ATP9B: variants seen among roughly 807,000 people sequenced by gnomAD.
ATP9B encodes probable phospholipid-transporting ATPase IIB.
Under a neutral mutation model 146.1 loss-of-function variants are expected in ATP9B, and 110 were observed. The observed-to-expected ratio is 0.75, with a 90% CI of 0.65 to 0.88. The LOEUF (loss-of-function observed/expected upper bound fraction) is 0.88. ATP9B is among the 40% of genes least tolerant of loss of function. The probability of loss-of-function intolerance (pLI) is 0.00; values close to 1 mark genes in which losing one functional copy is unlikely to be tolerated. For synonymous variants in ATP9B, 604 were observed against 569.7 expected, an observed-to-expected ratio of 1.06 and a Z score of -0.86; for missense variants, 1,499 against 1,496.4, an observed-to-expected ratio of 1.00 and a Z score of -0.03.
At chr18:79,078,294 C>T (rs1483864534) in intron 1 of ATP9B, 1 of 152,186 alleles carries the variant, frequency 6.6e-6, no homozygotes, top group African/African-American at 2.4e-5. Context: ...CTTTTTTGGT[C>T]TGTGTCTATT....
At position 79,110,422 on chromosome 18, in the gene ATP9B, G is replaced by C. The variant is rs779811445; in HGVS notation, c.361G>C (p.Gly121Arg). The C allele has an allele frequency of 6.2e-7, 1 of 1,612,168 alleles. No homozygotes were observed. Among genetic ancestry groups the C allele is most frequent in the Non-Finnish European group, 8.5e-7 (1 of 1,178,900 alleles). Residue 121 changes from glycine to arginine, a missense_variant, in exon 3 of 30, where the codon GGA (glycine) becomes CGA (arginine). Physicochemically the swap from Gly to Arg is moderately radical, Grantham distance 125. Transcript: ENST00000426216. ...KELKARTVWLGCPEKCEEKHP... is the reference protein window; with the variant it reads ...KELKARTVWLRCPEKCEEKHP... Reference sequence around the variant, plus strand: ...GCTGAAAGCTCGCACAGTATGGCTTGGATGTCCTGAAAAGTGTGAAGAAAA... The same window carrying C: ...GCTGAAAGCTCGCACAGTATGGCTTCGATGTCCTGAAAAGTGTGAAGAAAA...
At chr18:79,146,727 G>A (rs935476312) in intron 6 of ATP9B, 1 of 166,540 alleles carries the variant, frequency 6.0e-6, no homozygotes, top group Non-Finnish European at 1.3e-5. Flanking sequence ...ACCTGTGTCT[G>A]TGTTAAGGGA....
chr18:79,234,573 C>T (rs1197221801), intron 11 of ATP9B, among the ~76,000 whole-genome samples: 1 of 146,484 alleles, frequency 6.8e-6, no homozygotes, highest in African/African-American at 2.5e-5. Context: ...CTGCTGTGGG[C>T]TTGCTTGCTG....
chr18:79,353,998 C>G (rs2096936364), intron 25 of ATP9B: 1 of 152,084 alleles, frequency 6.6e-6, no homozygotes, highest in Non-Finnish European at 1.5e-5. Flanking sequence ...AGTAACTCAT[C>G]AAGAAAACAG....
intron 15 of ATP9B, among the ~76,000 whole-genome samples, chr18:79,328,054 CTGGTTAGCGTGCTCTCCG>C (rs2096769505): frequency 2.2e-4 from 9 of 40,202 alleles, no homozygotes; most frequent in African/African-American, 6.5e-4. Context: ...CGTGCTCTCT[CTGGTTAGCGTGCTCTCCG>C]TGGTTAGCGT....
intron 25 of ATP9B, chr18:79,353,865 A>G (rs1229906350): frequency 6.6e-6 from 1 of 152,222 alleles, no homozygotes; most frequent in Non-Finnish European, 1.5e-5. Context: ...AAGAAAGTTA[A>G]CAAAAGTAAT....
chr18:79,273,321 A>G (rs1469763646), intron 12 of ATP9B, among the ~76,000 whole-genome samples: 2 of 152,010 alleles, frequency 1.3e-5, no homozygotes, highest in Non-Finnish European at 2.9e-5. Context: ...CACTGGTGGG[A>G]CTCACCCAGG....
At chr18:79,075,234 C>T (rs868111494) in intron 1 of ATP9B, among the ~76,000 whole-genome samples, 4 of 152,174 alleles carry the variant, frequency 2.6e-5, no homozygotes, top group South Asian at 2.1e-4. Context: ...TCACTACAGC[C>T]TCGACCTTCT....
intron 15 of ATP9B, among the ~76,000 whole-genome samples, chr18:79,320,705 C>T (rs1043467455): frequency 6.6e-6 from 1 of 152,172 alleles, no homozygotes. Flanking sequence ...TCCCACCCCC[C>T]TCCAGCCCTC....
chr18:79,237,810 C>T (rs1387639816), intron 11 of ATP9B, among the ~76,000 whole-genome samples: 1 of 152,058 alleles, frequency 6.6e-6, no homozygotes, highest in Non-Finnish European at 1.5e-5. Flanking sequence ...CCTCCGCTTC[C>T]TGAGTAACTG....
chr18:79,091,194 A>G (rs1351222483), intron 1 of ATP9B, among the ~76,000 whole-genome samples: 1 of 152,194 alleles, frequency 6.6e-6, no homozygotes, highest in Non-Finnish European at 1.5e-5. Context: ...GCTCTGCAGT[A>G]TAATTTGAAG....
At chr18:79,179,033 T>G (rs1419948629) in intron 8 of ATP9B, among the ~76,000 whole-genome samples, 3 of 152,238 alleles carry the variant, frequency 2.0e-5, no homozygotes, top group Admixed American at 6.5e-5. Flanking sequence ...TTGAATTTCT[T>G]TGGTATAGAG....
intron 7 of ATP9B, among the ~76,000 whole-genome samples, chr18:79,159,821 G>T (rs1568301893): frequency 6.6e-6 from 1 of 152,068 alleles, no homozygotes; most frequent in Non-Finnish European, 1.5e-5. Flanking sequence ...AATTTAAATG[G>T]TGTTTCTCAG....
At chr18:79,138,966 G>A (rs977866327) in intron 5 of ATP9B, among the ~76,000 whole-genome samples, 5 of 152,104 alleles carry the variant, frequency 3.3e-5, no homozygotes, top group Non-Finnish European at 5.9e-5. Flanking sequence ...TACTCCAGAG[G>A]CTGAGGTGGG....
intron 9 of ATP9B, among the ~76,000 whole-genome samples, chr18:79,200,532 A>G (rs2095459447): frequency 6.6e-6 from 1 of 152,238 alleles, no homozygotes. Flanking sequence ...CACACAGAAC[A>G]TTTATTAAGG....
Position 79,252,584 on chromosome 18 carries a change from T to C in ATP9B, c.1108-797T>C, listed in dbSNP as rs73973034. 4.7e-3 allele frequency among the ~76,000 whole-genome samples: 719 copies of C among 152,298 alleles called. 9 individuals carry two copies. The highest frequency in any genetic ancestry group is 0.016 in the African/African-American group (650 of 41,556). On this transcript the variant is annotated intron_variant, in intron 11 of 29. Coordinates refer to ENST00000426216, the MANE Select transcript of ATP9B (RefSeq NM_198531.5). ...TCTTAACTTGTGCAGTGAGAGCTGC[T>C]TGGGTTGCTAGTTCTCTCTGTTTCC...
intron 3 of ATP9B, among the ~76,000 whole-genome samples, 188 bp from the exon 4 acceptor site, chr18:79,113,053 T>G (rs2094002133): frequency 6.6e-6 from 1 of 152,214 alleles, no homozygotes; most frequent in African/African-American, 2.4e-5. Flanking sequence ...GGGAGTAACC[T>G]TACCTTTCTT....
intron 22 of ATP9B, 54 bp downstream of exon 22, chr18:79,345,626 G>T: frequency 6.3e-7 from 1 of 1,597,182 alleles, no homozygotes. Context: ...CCCGTAGGCT[G>T]ACATTGATGG....
At chr18:79,370,057 C>T (rs1430833325) in intron 26 of ATP9B, among the ~76,000 whole-genome samples, 4 of 152,140 alleles carry the variant, frequency 2.6e-5, no homozygotes, top group Non-Finnish European at 5.9e-5. Flanking sequence ...TGAGATCGTG[C>T]CACTGCACTC....
Sources: gnomAD v4.1 joint callset for allele counts (sites outside exome capture counted in the v4.1 genomes callset) on GRCh38, gnomAD v4.1.1 for gene constraint, MANE v1.5 for transcripts, NCBI Gene and HGNC (gene_info 2026-07-23, HGNC 2026-07-21) for gene names.